The following TENM2 variants were observed in gnomAD, a reference collection of about 807,000 sequenced individuals.
TENM2 encodes the protein teneurin-2.
Under a neutral mutation model 245.2 loss-of-function variants are expected in TENM2, and 52 were observed. The ratio of observed to expected loss-of-function variants is 0.21; its 90% CI spans 0.17 to 0.27. TENM2 has a LOEUF of 0.27. TENM2 is among the 10% of genes least tolerant of loss of function. The pLI, the probability that TENM2 is intolerant of heterozygous loss-of-function variation, is 1.00. For synonymous variants in TENM2, 1,363 were observed against 1,438.9 expected (o/e 0.95, Z 1.19); for missense variants, 3,046 against 3,666.8 (o/e 0.83, Z 4.37).
chr5:168,113,221 G>A (rs1011986041), intron 9 of TENM2, among the ~76,000 whole-genome samples: 1 of 152,118 alleles, frequency 6.6e-6, no homozygotes, highest in African/African-American at 2.4e-5. Flanking sequence ...TCTGGAGGCT[G>A]AGGCAGGAGA....
the TENM2 span, among the ~76,000 whole-genome samples, chr5:167,173,706 A>AGTGTGTGT: frequency 2.4e-4 from 35 of 144,234 alleles, no homozygotes; most frequent in African/African-American, 8.0e-4. Flanking sequence ...AGGTGATTTG[A>AGTGTGTGT]GTGTGTGTGT....
chr5:167,195,456 G>A, the TENM2 span, among the ~76,000 whole-genome samples: 1 of 152,082 alleles, frequency 6.6e-6, no homozygotes, highest in Admixed American at 6.6e-5. Context: ...AAATATTTTA[G>A]GTTATGTGGG....
chr5:167,886,729 C>G (rs1303964700), intron 3 of TENM2, among the ~76,000 whole-genome samples: 1 of 152,138 alleles, frequency 6.6e-6, no homozygotes, highest in Non-Finnish European at 1.5e-5. Flanking sequence ...CTTTTTTCTT[C>G]TGATGAAAAG....
At position 168,219,007 on chromosome 5, in the gene TENM2, G is replaced by T. The variant is rs770330262; in HGVS notation, c.5108+8G>T. Reference sequence around the variant, plus strand: ...ATGGACGACTTTCTATGAGTAAGTGGGTTTGTAAAGCATCTCTGAAGAGCC... The same window carrying T: ...ATGGACGACTTTCTATGAGTAAGTGTGTTTGTAAAGCATCTCTGAAGAGCC... On this transcript the variant is annotated splice_region_variant and intron_variant, in intron 23 of 28. Transcript: ENST00000518659. The T allele has an allele frequency of 4.4e-6, 7 of 1,608,352 alleles. No homozygotes were observed. The Admixed American group carries it at 1.0e-4, about 23-fold the overall frequency.
chr5:167,584,867 A>ATTT (rs200474666), intron 2 of TENM2, among the ~76,000 whole-genome samples: 2,497 of 151,800 alleles, frequency 0.016, 64 homozygotes, highest in African/African-American at 0.057. Flanking sequence ...GCTAATTTTT[A>ATTT]TATTTTTAGT....
At position 168,227,749 on chromosome 5, in the gene TENM2, A is replaced by G. The variant is rs943776755; in HGVS notation, c.5285-146A>G. 9 of 575,012 alleles carry G rather than the reference A, an allele frequency of 1.6e-5. No individual in the cohort carries two copies. In the African/African-American group the frequency reaches 1.7e-4, roughly 11 times the overall value. 35.6% of individuals were successfully genotyped at this position (575,012 alleles called of 1,614,324 possible). A position where few individuals can be genotyped will look rare whatever the true frequency, so the allele number is the denominator to read the frequency against. ...TGCTACTTACCTTCACATGGTATGT[A>G]TGTGTGCTAATTGAAGGCAGCCTTC... On this transcript the variant is annotated intron_variant, in intron 24 of 28. Coordinates refer to ENST00000518659, the Ensembl canonical transcript of TENM2.
chr5:167,672,198 A>C (rs544645339), intron 2 of TENM2, among the ~76,000 whole-genome samples: 27 of 151,644 alleles, frequency 1.8e-4, no homozygotes, highest in African/African-American at 6.6e-4. Context: ...TAAAATAACA[A>C]AAGACAATTT....
At chr5:167,984,998 C>T (rs1301176544) in intron 4 of TENM2, among the ~76,000 whole-genome samples, 1 of 152,184 alleles carries the variant, frequency 6.6e-6, no homozygotes, top group Non-Finnish European at 1.5e-5. Context: ...CTCTCTCCAG[C>T]TAAATGTTTC....
chr5:167,714,455 CAA>C (rs1322793318), intron 2 of TENM2, among the ~76,000 whole-genome samples: 2 of 152,036 alleles, frequency 1.3e-5, no homozygotes, highest in East Asian at 3.9e-4. Context: ...ATACTGGAAA[CAA>C]GAGCAAGGGG....
chr5:167,592,304 A>G (rs1775930951), intron 2 of TENM2, among the ~76,000 whole-genome samples: 1 of 152,266 alleles, frequency 6.6e-6, no homozygotes, highest in Non-Finnish European at 1.5e-5. Flanking sequence ...ACATTCTGCT[A>G]TTGTTACTGG....
intron 12 of TENM2, among the ~76,000 whole-genome samples, chr5:168,142,347 G>T (rs1293005969): frequency 6.6e-6 from 1 of 152,212 alleles, no homozygotes; most frequent in Non-Finnish European, 1.5e-5. Context: ...AGTGCTCCTG[G>T]AATGGCTTTA....
At chr5:167,657,624 G>C (rs1052591072) in intron 2 of TENM2, among the ~76,000 whole-genome samples, 1 of 152,172 alleles carries the variant, frequency 6.6e-6, no homozygotes. Context: ...GCAGAGGTGG[G>C]CCAACGTTTT....
At chr5:167,921,951 C>A (rs1231678679) in intron 3 of TENM2, among the ~76,000 whole-genome samples, 1 of 152,140 alleles carries the variant, frequency 6.6e-6, no homozygotes, top group African/African-American at 2.4e-5. Flanking sequence ...AGCCAGGATG[C>A]ACAATCACAC....
At chr5:167,470,524 T>C (rs1261372122) in intron 2 of TENM2, among the ~76,000 whole-genome samples, 2 of 146,916 alleles carry the variant, frequency 1.4e-5, no homozygotes, top group East Asian at 2.0e-4. Flanking sequence ...ATTAATTTAG[T>C]CTGGCTTTTA....
intron 2 of TENM2, among the ~76,000 whole-genome samples, chr5:167,389,444 A>G (rs1331133154): frequency 2.0e-5 from 3 of 151,916 alleles, no homozygotes; most frequent in Admixed American, 6.6e-5. Context: ...CCTATATAGC[A>G]TTATTTTTTT....
intron 2 of TENM2, among the ~76,000 whole-genome samples, chr5:167,467,581 T>C (rs1766747758): frequency 6.6e-6 from 1 of 151,714 alleles, no homozygotes; most frequent in African/African-American, 2.4e-5. Context: ...CCTTTTAAAT[T>C]ATCCCACATA....
intron 2 of TENM2, among the ~76,000 whole-genome samples, chr5:167,610,412 T>G (rs1489392691): frequency 5.9e-5 from 9 of 152,114 alleles, no homozygotes; most frequent in Non-Finnish European, 1.0e-4. Flanking sequence ...GGGGTGAGGC[T>G]AAAAGTCTCA....
rs1339051385 is a variant in TENM2, at chr5:168,158,850, T to TATATATATATATATATATATATACAC, written c.2423-3760_2423-3759insTATATATATATATATATATATACACA. On this transcript the variant is annotated intron_variant, in intron 12 of 28. Transcript: ENST00000518659. ...GTGTGTATATATATATATATATATA[T>TATATATATATATATATATATATACAC]ACACACACACACACACACATATATA... is the stretch of plus-strand genomic sequence containing the variant. 1.3e-3 allele frequency among the ~76,000 whole-genome samples: 80 copies of TATATATATATATATATATATATACAC among 62,134 alleles called. 1 individual carries two copies. The highest frequency in any genetic ancestry group is 1.9e-3 in the Non-Finnish European group (61 of 31,908). The allele number at this position is 62,134 out of a possible 152,430, so 40.8% of individuals were successfully genotyped here.
the TENM2 span, among the ~76,000 whole-genome samples, chr5:167,034,561 C>T: frequency 3.1e-5 from 4 of 129,612 alleles, no homozygotes; most frequent in Admixed American, 2.9e-4. Flanking sequence ...ACCCGAGAGG[C>T]GGAGCTTGCA....
Sources: gnomAD v4.1 joint callset for allele counts (sites outside exome capture counted in the v4.1 genomes callset) on GRCh38, gnomAD v4.1.1 for gene constraint, MANE v1.5 for transcripts, NCBI Gene and HGNC (gene_info 2026-07-23, HGNC 2026-07-21) for gene names.